Variants in ABCC8 observed in about 807,000 individuals in gnomAD.
ABCC8 encodes the protein ATP binding cassette subfamily C member 8.
A neutral mutation model predicts 188.0 loss-of-function variants in ABCC8; 137 were observed. That is an observed-to-expected ratio of 0.73 (90% CI 0.63 to 0.84). The LOEUF (loss-of-function observed/expected upper bound fraction) is 0.84, where lower values mean the gene tolerates loss of function less well. ABCC8 is among the 40% of genes least tolerant of loss of function. The pLI is 0.00. For missense variants in ABCC8, 1,750 were observed against 2,072.7 expected (o/e 0.84, Z 3.02); for synonymous variants, 797 against 846.5 (o/e 0.94, Z 1.01).
At chr11:17,463,298 C>T in intron 4 of ABCC8, 140 bp downstream of exon 4, 1 of 732,146 alleles carries the variant, frequency 1.4e-6, no homozygotes, top group East Asian at 2.7e-5. Flanking sequence ...CACGGCCCCA[C>T]TCCCCTTTAC....
At chr11:17,437,332 C>A (rs1192008610) in intron 10 of ABCC8, among the ~76,000 whole-genome samples, 1 of 152,174 alleles carries the variant, frequency 6.6e-6, no homozygotes, top group East Asian at 1.9e-4. Flanking sequence ...TTTTCTGGCC[C>A]TTATGGGCAC....
At chr11:17,449,600 C>T (rs973412821) in intron 7 of ABCC8, among the ~76,000 whole-genome samples, 10 of 152,282 alleles carry the variant, frequency 6.6e-5, no homozygotes, top group African/African-American at 2.2e-4. Flanking sequence ...GATCATGACT[C>T]GCAGAAAGAC....
At chr11:17,395,434 C>G (rs1953863951) in intron 35 of ABCC8, 159 bp from the exon 36 acceptor site, 1 of 1,485,094 alleles carries the variant, frequency 6.7e-7, no homozygotes, top group African/African-American at 1.4e-5. Flanking sequence ...ATCTTAGACC[C>G]ATGGGTGGGG....
chr11:17,446,577 C>T (rs763237062), intron 8 of ABCC8, among the ~76,000 whole-genome samples: 3 of 152,200 alleles, frequency 2.0e-5, no homozygotes, highest in Non-Finnish European at 4.4e-5. Context: ...CCACACCCAG[C>T]TTAGAAAGTC....
At chr11:17,416,239 G>GT (rs1407348241) in intron 17 of ABCC8, among the ~76,000 whole-genome samples, 2 of 152,110 alleles carry the variant, frequency 1.3e-5, no homozygotes, top group South Asian at 2.1e-4. Context: ...TATCTCAAGT[G>GT]TTTTTTGGAG....
chr11:17,411,523 G>A (rs1954804166), intron 21 of ABCC8, among the ~76,000 whole-genome samples: 1 of 152,194 alleles, frequency 6.6e-6, no homozygotes, highest in Non-Finnish European at 1.5e-5. Context: ...TGCGTGTGGT[G>A]TAGGGAGAGG....
chr11:17,420,913 T>A (rs929235), intron 16 of ABCC8, among the ~76,000 whole-genome samples: 25,619 of 152,224 alleles, frequency 0.17, 2,443 homozygotes, highest in African/African-American at 0.24. Flanking sequence ...CCCAAGGTTG[T>A]CACAGTTCCT....
chr11:17,409,115 G>A (rs1378279652), intron 22 of ABCC8, among the ~76,000 whole-genome samples: 1 of 118,330 alleles, frequency 8.5e-6, no homozygotes, highest in Non-Finnish European at 1.8e-5. Flanking sequence ...ACCATACCTG[G>A]CTAATTTTTT....
At chr11:17,411,413 C>T (rs1036824414) in intron 21 of ABCC8, among the ~76,000 whole-genome samples, 2 of 152,202 alleles carry the variant, frequency 1.3e-5, no homozygotes, top group Admixed American at 6.5e-5. Flanking sequence ...CATGAGAGAT[C>T]GCGAATGCAC....
rs1955638529 is a variant in ABCC8, at chr11:17,427,548, G to T, written c.2116+319C>A. On this transcript the variant is annotated intron_variant, in intron 15 of 38. Transcript: ENST00000389817. The surrounding 1 kb of genome is among the most constrained non-coding windows in gnomAD (Gnocchi z 5.0). ...CCTGCCTCATGGCCTCAGGGCCTTT[G>T]TCCATTCTCAGAAACCCCATCACTT... 6.6e-6 allele frequency among the ~76,000 whole-genome samples: 1 copy of T among 152,172 alleles called. No individual in the cohort carries two copies. The highest frequency in any genetic ancestry group is 2.1e-4 in the South Asian group (1 of 4,838).
rs1208574823 is a variant in ABCC8 at position 17,442,841 on chromosome 11, G to C, written c.1509C>G (p.Leu503=). Residue 503 remains leucine (L), a synonymous_variant, in exon 10 of 39, where the codon CTC becomes CTG. Coordinates refer to ENST00000389817, the MANE Select transcript of ABCC8 (RefSeq NM_000352.6). ...ACAGCTTCAGCAGCTTGATGCCGCG[G>C]AGCATCTCGTTGGTCTGCTTCAGCC... ...NERLKQTNEM[L]RGIKLLKLYA... 1 of 1,614,072 alleles carries C rather than the reference G, an allele frequency of 6.2e-7. No homozygotes were observed. The highest frequency in any genetic ancestry group is 8.5e-7 in the Non-Finnish European group (1 of 1,180,038).
At chr11:17,397,927 C>A (rs1011077229) in intron 30 of ABCC8, 130 bp from the exon 31 acceptor site, 1 of 1,506,266 alleles carries the variant, frequency 6.6e-7, no homozygotes, top group Non-Finnish European at 8.9e-7. Context: ...CTCATGCACA[C>A]GTCACCAGAC....
At chr11:17,401,531 G>A (rs1353027022) in intron 29 of ABCC8, among the ~76,000 whole-genome samples, 2 of 152,184 alleles carry the variant, frequency 1.3e-5, no homozygotes, top group African/African-American at 4.8e-5. Context: ...GGAGATGTAA[G>A]CCTCTCTGGC....
rs1955636399 is a variant in ABCC8, at chr11:17,427,498, A to T, written c.2117-344T>A. Among the ~76,000 whole-genome samples the T allele has an allele frequency of 6.6e-6, 1 of 152,128 alleles. No individual in the cohort carries two copies. Among genetic ancestry groups the T allele is most frequent in the African/African-American group, 2.4e-5 (1 of 41,422 alleles). ...TCCAACCCACCTCCATACTTTGCTCATGGCTGCCTCTGCCAGAAAATCCTC... is the reference window on the plus strand; with the variant it reads ...TCCAACCCACCTCCATACTTTGCTCTTGGCTGCCTCTGCCAGAAAATCCTC... On this transcript the variant is annotated intron_variant, in intron 15 of 38. Coordinates refer to ENST00000389817, the MANE Select transcript of ABCC8 (RefSeq NM_000352.6). This position sits in a 1 kb window ranked among gnomAD's most constrained non-coding sequence, Gnocchi z 5.0.
chr11:17,400,108 T>C (rs1591723649), intron 29 of ABCC8, among the ~76,000 whole-genome samples: 1 of 152,174 alleles, frequency 6.6e-6, no homozygotes, highest in East Asian at 1.9e-4. Context: ...TTACTGGGCA[T>C]TTGCTTTTCA....
At chr11:17,441,456 T>C (rs1956312458) in intron 10 of ABCC8, among the ~76,000 whole-genome samples, 1 of 152,246 alleles carries the variant, frequency 6.6e-6, no homozygotes, top group Non-Finnish European at 1.5e-5. Context: ...AATTCTCTCT[T>C]CAGCTATACT....
In ABCC8 at chr11:17,430,856, AG is replaced by A; in HGVS notation, c.1774del (p.Leu592CysfsTer13). 6.2e-7 allele frequency: 1 copy of A among 1,614,232 alleles called. No homozygotes were observed. The highest frequency in any genetic ancestry group is 2.2e-5 in the East Asian group (1 of 44,874). ...GGTAGATCGGACCACACTGGACAGC[AG>A]GAACAGCGGTGTGACCAAGATATGG... is the stretch of plus-strand genomic sequence containing the variant. ...LFHILVTPLF[L>X]LSSVVRSTVK... On this transcript the variant is annotated frameshift_variant, in exon 12 of 39. Transcript: ENST00000389817. LOFTEE classifies it high-confidence loss of function.
chr11:17,456,025 T>C (rs1008577849), intron 6 of ABCC8, among the ~76,000 whole-genome samples: 4 of 145,584 alleles, frequency 2.7e-5, no homozygotes, highest in Admixed American at 2.7e-4. Flanking sequence ...CCTGTTGGAG[T>C]CTACCGAGAA....
Position 17,396,131 on chromosome 11 carries a change from G to T in ABCC8, c.4120-201C>A, listed in dbSNP as rs879457510. On this transcript the variant is annotated intron_variant, in intron 33 of 38. Coordinates refer to ENST00000389817, the MANE Select transcript of ABCC8 (RefSeq NM_000352.6). ...TCCAGAGAGGGCTTACACAGGGACC[G>T]GCACGCAAGTGCAGGCATGGATGTC... The T allele has an allele frequency of 1.3e-5, 16 of 1,258,668 alleles. 1 individual carries two copies. Among genetic ancestry groups the T allele is most frequent in the Middle Eastern group, 2.8e-4 (1 of 3,614 alleles). 78.0% of individuals were successfully genotyped at this position (1,258,668 alleles called of 1,614,324 possible).
Sources: gnomAD v4.1 joint callset for allele counts (sites outside exome capture counted in the v4.1 genomes callset) on GRCh38, gnomAD v4.1.1 for gene constraint, Gnocchi (gnomAD v3.1) non-coding constraint, MANE v1.5 for transcripts, NCBI Gene and HGNC (gene_info 2026-07-23, HGNC 2026-07-21) for gene names.